PCGF6: variants seen among roughly 807,000 people sequenced by gnomAD.
The protein encoded by PCGF6 is polycomb group ring finger 6, also known as polycomb group RING finger protein 6.
A neutral mutation model predicts 45.5 loss-of-function variants in PCGF6; 24 were observed. The ratio of observed to expected loss-of-function variants is 0.53; its 90% CI spans 0.38 to 0.74. The LOEUF (loss-of-function observed/expected upper bound fraction) is 0.74, where lower values mean the gene tolerates loss of function less well. Among genes scored for constraint, PCGF6 ranks in the 30% least tolerant of loss-of-function variants. The pLI, the probability that PCGF6 is intolerant of heterozygous loss-of-function variation, is 0.00. For synonymous variants in PCGF6, 152 were observed against 162.1 expected (o/e 0.94, Z 0.47); for missense variants, 356 against 443.2 (o/e 0.80, Z 1.77).
chr10:103,323,448 C>T (rs902113284), intron 8 of PCGF6, among the ~76,000 whole-genome samples: 9 of 152,110 alleles, frequency 5.9e-5, no homozygotes, highest in African/African-American at 2.2e-4. Flanking sequence ...AAGCATGCGC[C>T]ACCACGCCCG....
Position 103,326,551 on chromosome 10 carries a change from G to A in PCGF6, c.892C>T (p.Leu298Phe). Residue 298 changes from leucine to phenylalanine, a missense_variant, in exon 8 of 10, where the codon CTT becomes TTT. Leu to Phe is a conservative substitution (Grantham distance 22). Around this residue, in one of 2 missense-constraint regions of PCGF6, gnomAD observed 49 missense variants for 93.0 expected, o/e 0.53. Coordinates refer to ENST00000369847, the MANE Select transcript of PCGF6 (RefSeq NM_001011663.2). ...VEKFLRRKMG[L>F]DPACQVDIIC... ...TACTGTACCTGACAAGCTGGATCAA[G>A]ACCCATTTTTCTTCTGAGGAATTTT... 1 of 1,611,210 alleles carries A rather than the reference G, an allele frequency of 6.2e-7. No homozygotes were observed. The highest frequency in any genetic ancestry group is 8.5e-7 in the Non-Finnish European group (1 of 1,179,220).
At chr10:103,320,134 T>C (rs999612970) in intron 8 of PCGF6, among the ~76,000 whole-genome samples, 1 of 152,138 alleles carries the variant, frequency 6.6e-6, no homozygotes, top group Admixed American at 6.6e-5. Context: ...GAATTAGTTA[T>C]GGCAGGATTA....
chr10:103,305,430 C>G (rs1308959071), intron 9 of PCGF6, among the ~76,000 whole-genome samples: 1 of 152,058 alleles, frequency 6.6e-6, no homozygotes, highest in African/African-American at 2.4e-5. Context: ...GCCATCACGC[C>G]TGGCTAATTT....
intron 3 of PCGF6, among the ~76,000 whole-genome samples, chr10:103,348,113 C>T (rs958972252): frequency 1.3e-5 from 2 of 151,966 alleles, no homozygotes; most frequent in Admixed American, 1.3e-4. Flanking sequence ...GGTATTACTT[C>T]TAAAAAAACA....
chr10:103,339,804 AAAAAAAACACAC>A (rs1373486196), intron 6 of PCGF6, among the ~76,000 whole-genome samples: 34 of 39,942 alleles, frequency 8.5e-4, no homozygotes, highest in East Asian at 5.8e-3. Context: ...TCTGTCTCAA[AAAAAAAACACAC>A]ACACACACAC....
In PCGF6 at chr10:103,350,734, G is replaced by A. The variant is rs1347760107; in HGVS notation, c.333C>T (p.Gly111=). 6.5e-7 allele frequency: 1 copy of A among 1,542,372 alleles called. No homozygotes were observed. Among genetic ancestry groups the A allele is most frequent in the Non-Finnish European group, 8.7e-7 (1 of 1,143,226 alleles). The change falls in exon 1 of 10, where the codon GGC becomes GGT. Residue 111 remains glycine, a synonymous_variant. Coordinates refer to ENST00000369847, the MANE Select transcript of PCGF6 (RefSeq NM_001011663.2). ...MSHFSLRLEG[G]RQDSEDEEER... is the part of the protein sequence containing the mutation. Reference sequence around the variant, plus strand: ...CCTCCTCGTCCTCCGAGTCCTGCCGGCCTCCCTCCAGCCTCAACGAGAAGT... The same window carrying A: ...CCTCCTCGTCCTCCGAGTCCTGCCGACCTCCCTCCAGCCTCAACGAGAAGT...
rs911411093 is a variant in PCGF6 at position 103,350,886 on chromosome 10, G to C, written c.181C>G (p.Pro61Ala). ...CTGCGCTCCGGCTCCAGCTCAGGGG[G>C]CCGGGAGCCGGAGCAGCCGGGAGCC... ...TGAPGCSGSR[P>A]PELEPERSLG... The change falls in exon 1 of 10, where the codon CCC becomes GCC. Residue 61 changes from proline to alanine, a missense_variant. Pro to Ala is a conservative substitution (Grantham distance 27, BLOSUM62 -1). Transcript: ENST00000369847. 2 of 1,530,610 alleles carry C rather than the reference G, an allele frequency of 1.3e-6. No homozygotes were observed. The highest frequency in any genetic ancestry group is 4.2e-5 in the Admixed American group (2 of 48,170). 94.8% of individuals were successfully genotyped at this position (1,530,610 alleles called of 1,614,324 possible).
intron 5 of PCGF6, among the ~76,000 whole-genome samples, chr10:103,346,418 G>T (rs560268867): frequency 2.0e-5 from 3 of 152,160 alleles, no homozygotes; most frequent in African/African-American, 7.2e-5. Context: ...GAGGTCAAGA[G>T]ATTGAGACCA....
At chr10:103,349,661 A>G (rs2093313779) in intron 1 of PCGF6, among the ~76,000 whole-genome samples, 2 of 150,144 alleles carry the variant, frequency 1.3e-5, no homozygotes, top group Non-Finnish European at 3.0e-5. Context: ...TTGTATTTTC[A>G]GTAGAGAAGG....
intron 8 of PCGF6, among the ~76,000 whole-genome samples, chr10:103,318,086 T>C (rs1170612250): frequency 6.6e-6 from 1 of 150,818 alleles, no homozygotes; most frequent in African/African-American, 2.4e-5. Flanking sequence ...GAGTTTGATG[T>C]GTATGGTCCT....
intron 6 of PCGF6, among the ~76,000 whole-genome samples, chr10:103,336,068 C>A (rs1335893509): frequency 6.6e-6 from 1 of 151,300 alleles, no homozygotes; most frequent in Non-Finnish European, 1.5e-5. Context: ...GAGCTCGAGA[C>A]CAGCCTGGGC....
chr10:103,320,662 C>T (rs2093194002), intron 8 of PCGF6, among the ~76,000 whole-genome samples: 1 of 151,730 alleles, frequency 6.6e-6, no homozygotes, highest in Admixed American at 6.6e-5. Flanking sequence ...TGCACTCCAT[C>T]CTGGGCAAAA....
intron 1 of PCGF6, 58 bp downstream of exon 1, chr10:103,350,649 C>T: frequency 7.2e-7 from 1 of 1,380,046 alleles, no homozygotes. Context: ...CAGACGAGGG[C>T]CAGCTACGTC....
At position 103,350,713 on chromosome 10, in the gene PCGF6, C is replaced by T; in HGVS notation, c.354G>A (p.Glu118=). ...LEGGRQDSED[E]EERLINLSEL... The stretch of plus-strand genomic sequence containing the variant: ...GCGCGGGGGCTCTAAATACCTCCTC[C>T]TCGTCCTCCGAGTCCTGCCGGCCTC... The change falls in exon 1 of 10, where the codon GAG becomes GAA. Residue 118 remains glutamate, a synonymous_variant. Transcript: ENST00000369847. The T allele has an allele frequency of 1.3e-6, 2 of 1,528,272 alleles. No individual in the cohort carries two copies. The highest frequency in any genetic ancestry group is 1.8e-6 in the Non-Finnish European group (2 of 1,135,962). 94.7% of individuals were successfully genotyped at this position (1,528,272 alleles called of 1,614,324 possible).
chr10:103,350,981 A>G lies in PCGF6; in HGVS notation c.86T>C (p.Val29Ala), dbSNP rs200858964. 9.8e-7 allele frequency: 1 copy of G among 1,018,244 alleles called. No homozygotes were observed. The highest frequency in any genetic ancestry group is 1.3e-6 in the Non-Finnish European group (1 of 756,940). 63.1% of individuals were successfully genotyped at this position (1,018,244 alleles called of 1,614,324 possible). ...GAAALPPPPP[V>A]SPPALTPAPA... ...TGCAGGGGTGAGGGCGGGCGGGGAGACAGGAGGCGGAGGCGGCAAGGCTGC... is the reference window on the plus strand; with the variant it reads ...TGCAGGGGTGAGGGCGGGCGGGGAGGCAGGAGGCGGAGGCGGCAAGGCTGC... Residue 29 changes from valine to alanine, a missense_variant, in exon 1 of 10, where the codon GTC (valine) becomes GCC (alanine). Around this residue, in one of 2 missense-constraint regions of PCGF6, gnomAD observed 307 missense variants for 350.1 expected, o/e 0.88. Transcript: ENST00000369847.
intron 7 of PCGF6, among the ~76,000 whole-genome samples, chr10:103,332,413 G>C (rs993829595): frequency 7.2e-5 from 11 of 152,110 alleles, no homozygotes; most frequent in Non-Finnish European, 1.5e-5. Context: ...CTGAGTAGCT[G>C]GAACTGCCCA....
Position 103,350,746 on chromosome 10 carries a change from C to T in PCGF6, c.321G>A (p.Arg107=), listed in dbSNP as rs969230151. 14 of 1,555,598 alleles carry T rather than the reference C, an allele frequency of 9.0e-6. No homozygotes were observed. Among genetic ancestry groups the T allele is most frequent in the Non-Finnish European group, 1.1e-5 (13 of 1,150,992 alleles). The change falls in exon 1 of 10, where the codon AGG becomes AGA. Residue 107 remains arginine (R), a synonymous_variant. Coordinates refer to ENST00000369847, the MANE Select transcript of PCGF6 (RefSeq NM_001011663.2). ...CCGAGTCCTGCCGGCCTCCCTCCAG[C>T]CTCAACGAGAAGTGACTCATGTCCT... ...EEEDMSHFSL[R]LEGGRQDSED...
rs780891869 is a variant in PCGF6 at position 103,351,091 on chromosome 10, C to A, written c.-25G>T. On this transcript the variant is annotated 5_prime_UTR_variant, in exon 1 of 10. Coordinates refer to ENST00000369847, the MANE Select transcript of PCGF6 (RefSeq NM_001011663.2). ...TGGTCGGGAGAGACACCAGGCGAGG[C>A]GAGGCGGCGGGAGAGCGCGGGAGTT... The A allele has an allele frequency of 2.0e-5, 27 of 1,348,486 alleles. No individual in the cohort carries two copies. The highest frequency in any genetic ancestry group is 4.5e-5 in the African/African-American group (3 of 66,566). 83.5% of individuals were successfully genotyped at this position (1,348,486 alleles called of 1,614,324 possible).
intron 9 of PCGF6, among the ~76,000 whole-genome samples, chr10:103,313,216 A>G (rs994264503): frequency 1.3e-5 from 2 of 152,202 alleles, no homozygotes; most frequent in African/African-American, 4.8e-5. Flanking sequence ...AGGGGTGTCC[A>G]ATCTTTTGGC....
Sources: allele counts gnomAD v4.1 joint callset (sites outside exome capture counted in the v4.1 genomes callset), GRCh38; gene constraint gnomAD v4.1.1; regional missense constraint gnomAD v4.1.1; transcripts MANE v1.5; gene names NCBI Gene and HGNC (gene_info 2026-07-23, HGNC 2026-07-21).